The following DPP8 variants were observed in gnomAD, a reference collection of about 807,000 sequenced individuals.
The protein encoded by DPP8 is DPP VIII.
In DPP8, 31 loss-of-function variants were observed where a neutral mutation model predicts 107.5. That is an observed-to-expected ratio of 0.29 (90% CI 0.22 to 0.39). The LOEUF is 0.39. Ranked by LOEUF, DPP8 falls within the 10% of genes least tolerant of loss-of-function variation. The pLI is 1.00. For missense variants in DPP8, 842 were observed against 1,076.1 expected (o/e 0.78, Z 3.04); for synonymous variants, 381 against 356.6 (o/e 1.07, Z -0.77).
At position 65,509,899 on chromosome 15, in the gene DPP8, T is replaced by C. The variant is rs548333269; in HGVS notation, c.259+2396A>G. On this transcript the variant is annotated intron_variant, in intron 2 of 19. Transcript: ENST00000300141. ...AGCTGGGCATAGTGGTATGTGCCTA[T>C]AGTCCCAGCTACTTGGGAGGCTGAG... Among the ~76,000 whole-genome samples, 4 of 152,116 alleles carry C rather than the reference T, an allele frequency of 2.6e-5. No individual in the cohort carries two copies. In the South Asian group the frequency reaches 6.2e-4, roughly 24 times the overall value.
chr15:65,476,265 C>T (rs540425229), intron 11 of DPP8, among the ~76,000 whole-genome samples: 2 of 151,524 alleles, frequency 1.3e-5, no homozygotes, highest in Non-Finnish European at 2.9e-5. Context: ...TCGAAGAGCA[C>T]AAAAAAATTA....
intron 2 of DPP8, among the ~76,000 whole-genome samples, chr15:65,507,656 T>TAAAAAAAA (rs746039694): frequency 9.5e-6 from 1 of 105,220 alleles, no homozygotes; most frequent in African/African-American, 3.6e-5. Context: ...GATCCCAACT[T>TAAAAAAAA]AAAAAAAAAA....
intron 5 of DPP8, among the ~76,000 whole-genome samples, chr15:65,496,847 T>C (rs2068650765): frequency 6.6e-6 from 1 of 151,766 alleles, no homozygotes; most frequent in Non-Finnish European, 1.5e-5. Flanking sequence ...GACAATGTCT[T>C]ACCATGTTGT....
intron 4 of DPP8, among the ~76,000 whole-genome samples, chr15:65,498,310 T>C (rs2068810553): frequency 6.6e-6 from 1 of 151,940 alleles, no homozygotes; most frequent in Non-Finnish European, 1.5e-5. Context: ...TAGTCCCAAC[T>C]ACTTGGGAGG....
chr15:65,489,188 T>C (rs1204859231), intron 6 of DPP8, among the ~76,000 whole-genome samples: 1 of 152,092 alleles, frequency 6.6e-6, no homozygotes, highest in African/African-American at 2.4e-5. Context: ...CTCGATCTCC[T>C]GACCTCATGA....
chr15:65,515,421 A>G (rs2071330761), intron 1 of DPP8, among the ~76,000 whole-genome samples: 2 of 152,158 alleles, frequency 1.3e-5, no homozygotes, highest in Non-Finnish European at 2.9e-5. Context: ...GTTCACAGCA[A>G]ATGTCCATCC....
intron 14 of DPP8, among the ~76,000 whole-genome samples, chr15:65,465,962 G>A (rs2065313595): frequency 6.6e-6 from 1 of 152,122 alleles, no homozygotes. Flanking sequence ...GCTATTACAA[G>A]TGCTTCAAAA....
intron 1 of DPP8, among the ~76,000 whole-genome samples, chr15:65,514,027 T>C (rs1179612666): frequency 6.6e-6 from 1 of 152,180 alleles, no homozygotes; most frequent in Admixed American, 6.5e-5. Flanking sequence ...GTACATTTAA[T>C]ATATCTTTTT....
intron 5 of DPP8, among the ~76,000 whole-genome samples, chr15:65,495,005 C>T (rs948044327): frequency 1.9e-4 from 29 of 152,056 alleles, no homozygotes; most frequent in African/African-American, 6.0e-4. Flanking sequence ...TGTTAAAAAC[C>T]TTTCCATGGA....
intron 5 of DPP8, among the ~76,000 whole-genome samples, chr15:65,495,021 A>G (rs2068442112): frequency 6.6e-6 from 1 of 152,106 alleles, no homozygotes; most frequent in African/African-American, 2.4e-5. Context: ...ATGGACCCTC[A>G]TATCATGATA....
chr15:65,459,202 G>C lies in DPP8; in HGVS notation c.1972-2831C>G, dbSNP rs1204477459. ...TTCTGTTTCTTCTCTTTTGACACAT[G>C]GTCTCACTCTCTTGTCCAGGCTGGA... is the stretch of plus-strand genomic sequence containing the variant. On this transcript the variant is annotated intron_variant, in intron 15 of 19. Transcript: ENST00000300141. Among the ~76,000 whole-genome samples, 3 of 150,772 alleles carry C rather than the reference G, an allele frequency of 2.0e-5. No homozygotes were observed. In the East Asian group the frequency reaches 5.9e-4, roughly 30 times the overall value.
chr15:65,453,753 CTT>C (rs1447577639), intron 17 of DPP8, among the ~76,000 whole-genome samples: 4 of 151,598 alleles, frequency 2.6e-5, no homozygotes, highest in Non-Finnish European at 5.9e-5. Flanking sequence ...AAAAAACAAA[CTT>C]GAGATATATA....
chr15:65,502,879 AAAG>A (rs1318296694), intron 3 of DPP8: 2 of 152,230 alleles, frequency 1.3e-5, no homozygotes, highest in East Asian at 1.9e-4. Flanking sequence ...AAATTTAACC[AAAG>A]AAGAGCAAGA....
At chr15:65,479,724 GT>G (rs1402743407) in intron 10 of DPP8, among the ~76,000 whole-genome samples, 90 of 151,640 alleles carry the variant, frequency 5.9e-4, no homozygotes, top group African/African-American at 2.0e-3. Context: ...GGCGCCTGTA[GT>G]CCCAGCTACT....
At chr15:65,494,253 C>T (rs2068350432) in intron 5 of DPP8, among the ~76,000 whole-genome samples, 1 of 148,368 alleles carries the variant, frequency 6.7e-6, no homozygotes, top group Non-Finnish European at 1.5e-5. Flanking sequence ...TGCAGTGGTG[C>T]AAATACAGTC....
intron 11 of DPP8, among the ~76,000 whole-genome samples, chr15:65,476,897 T>C (rs909500495): frequency 2.0e-5 from 3 of 151,992 alleles, no homozygotes; most frequent in Non-Finnish European, 4.4e-5. Flanking sequence ...CACTACAAAA[T>C]GGATGAAACT....
intron 1 of DPP8, chr15:65,516,049 G>C (rs75156244): frequency 0.023 from 8,848 of 381,448 alleles, 685 homozygotes; most frequent in African/African-American, 0.17. Flanking sequence ...CCAGACAAAG[G>C]AAAACCATGG....
chr15:65,443,146 G>A lies in DPP8; in HGVS notation c.*3738C>T, dbSNP rs951784993. On this transcript the variant is annotated 3_prime_UTR_variant, in exon 20 of 20. Transcript: ENST00000300141. The stretch of plus-strand genomic sequence containing the variant: ...ATGGAAAAATTAACCATTTTTATGT[G>A]GTTACCTTTAAAATGTTTTATAGGA... 4.6e-4 allele frequency: 70 copies of A among 151,904 alleles called. No homozygotes were observed. The highest frequency in any genetic ancestry group is 1.7e-3 in the African/African-American group (69 of 41,356). The allele number at this position is 151,904 out of a possible 1,614,324, so 9.4% of individuals were successfully genotyped here.
chr15:65,502,775 T>G (rs1292376481), intron 3 of DPP8: 1 of 152,176 alleles, frequency 6.6e-6, no homozygotes, highest in Non-Finnish European at 1.5e-5. Context: ...TCGGAACTTA[T>G]TAACATTAGT....
Sources: allele counts gnomAD v4.1 joint callset (sites outside exome capture counted in the v4.1 genomes callset), GRCh38; gene constraint gnomAD v4.1.1; transcripts MANE v1.5; gene names NCBI Gene and HGNC (gene_info 2026-07-23, HGNC 2026-07-21).